MAGI1: variants seen among roughly 807,000 people sequenced by gnomAD.
MAGI1 encodes membrane-associated guanylate kinase, WW and PDZ domain-containing protein 1.
Under a neutral mutation model 139.9 loss-of-function variants are expected in MAGI1, and 58 were observed. The ratio of observed to expected loss-of-function variants is 0.41; its 90% CI spans 0.34 to 0.52. MAGI1 has a LOEUF of 0.52. MAGI1 is among the 20% of genes least tolerant of loss of function. MAGI1 has a pLI of 0.12. For synonymous variants in MAGI1, 812 were observed against 737.9 expected, an observed-to-expected ratio of 1.10 and a Z score of -1.63; for missense variants, 1,874 against 1,901.6, an observed-to-expected ratio of 0.99 and a Z score of 0.27.
At chr3:65,632,064 A>C (rs2107162702) in intron 1 of MAGI1, among the ~76,000 whole-genome samples, 1 of 152,298 alleles carries the variant, frequency 6.6e-6, no homozygotes, top group African/African-American at 2.4e-5. Context: ...TTTCTTTAAA[A>C]CAACTATTAT....
At position 65,621,960 on chromosome 3, in the gene MAGI1, C is replaced by T; in HGVS notation, c.430+12G>A. 6.3e-7 allele frequency: 1 copy of T among 1,578,804 alleles called. No homozygotes were observed. Among genetic ancestry groups the T allele is most frequent in the Non-Finnish European group, 8.7e-7 (1 of 1,152,396 alleles). ...ACACACAGCAGTGAGATGCCAAAGTCCAACTACTTACAAGGCACAGCATGG... is the reference window on the plus strand; with the variant it reads ...ACACACAGCAGTGAGATGCCAAAGTTCAACTACTTACAAGGCACAGCATGG... On this transcript the variant is annotated intron_variant, in intron 2 of 22. Transcript: ENST00000402939.
chr3:65,392,375 G>A (rs973666832), intron 13 of MAGI1, among the ~76,000 whole-genome samples: 5 of 152,092 alleles, frequency 3.3e-5, no homozygotes, highest in African/African-American at 1.2e-4. Flanking sequence ...AAAAAATCCT[G>A]CAGTCATGCC....
At chr3:65,430,162 G>C in intron 11 of MAGI1, 22 bp from the exon 12 acceptor site, 1 of 1,605,090 alleles carries the variant, frequency 6.2e-7, no homozygotes, top group Non-Finnish European at 8.5e-7. Flanking sequence ...AAGAGTGTGG[G>C]GGTTAAGAAA....
chr3:66,036,831 C>CT (rs2107617870), intron 1 of MAGI1, among the ~76,000 whole-genome samples: 1 of 152,320 alleles, frequency 6.6e-6, no homozygotes, highest in African/African-American at 2.4e-5. Flanking sequence ...CGTCATGGCA[C>CT]TTGCTTGCAC....
At position 65,963,392 on chromosome 3, in the gene MAGI1, T is replaced by A. The variant is rs1041761391; in HGVS notation, c.313+74604A>T. On this transcript the variant is annotated intron_variant, in intron 1 of 22. Transcript: ENST00000402939. Reference sequence around the variant, plus strand: ...CACCACTTTGGGAGGCCAAGGTGGGTGGATCACAAGGTCAAGAGATCCAGA... The same window carrying A: ...CACCACTTTGGGAGGCCAAGGTGGGAGGATCACAAGGTCAAGAGATCCAGA... Among the ~76,000 whole-genome samples, 3 of 147,506 alleles carry A rather than the reference T, an allele frequency of 2.0e-5. No homozygotes were observed. The East Asian group carries it at 6.0e-4, about 30-fold the overall frequency.
At chr3:65,856,036 C>T (rs1412745995) in intron 1 of MAGI1, among the ~76,000 whole-genome samples, 2 of 152,124 alleles carry the variant, frequency 1.3e-5, no homozygotes, top group African/African-American at 2.4e-5. Flanking sequence ...TTTAGATCTG[C>T]TTTGCCCTAT....
At chr3:65,935,298 G>A (rs921797092) in intron 1 of MAGI1, among the ~76,000 whole-genome samples, 1 of 152,160 alleles carries the variant, frequency 6.6e-6, no homozygotes, top group Non-Finnish European at 1.5e-5. Context: ...ACAAAAGGGG[G>A]CATGTGGAAT....
At chr3:65,862,316 T>C (rs2059583859) in intron 1 of MAGI1, among the ~76,000 whole-genome samples, 1 of 152,150 alleles carries the variant, frequency 6.6e-6, no homozygotes, top group Non-Finnish European at 1.5e-5. Context: ...TTGATGTGTA[T>C]TAAGTATTTA....
rs1255842245 is a variant in MAGI1 at position 65,846,997 on chromosome 3, C to A, written c.313+190999G>T. Among the ~76,000 whole-genome samples the A allele has an allele frequency of 3.6e-4, 27 of 74,190 alleles. 1 individual carries two copies. The highest frequency in any genetic ancestry group is 1.3e-3 in the African/African-American group (15 of 11,224). 48.7% of individuals were successfully genotyped at this position (74,190 alleles called of 152,430 possible). A position where few individuals can be genotyped will look rare whatever the true frequency, so the allele number is the denominator to read the frequency against. On this transcript the variant is annotated intron_variant, in intron 1 of 22. Coordinates refer to ENST00000402939, the MANE Select transcript of MAGI1 (RefSeq NM_001033057.2). ...CTTACAAAAAAAAAAAAAAAAAAAA[C>A]CCTAAGCACATTTGTTTATACCAAT...
chr3:65,843,359 T>G (rs1236685197), intron 1 of MAGI1, among the ~76,000 whole-genome samples: 1 of 152,284 alleles, frequency 6.6e-6, no homozygotes, highest in Middle Eastern at 3.4e-3. Context: ...CAGATGAGAC[T>G]GCAGCCCAAC....
chr3:65,751,360 G>A (rs1277930498), intron 1 of MAGI1, among the ~76,000 whole-genome samples: 7 of 152,184 alleles, frequency 4.6e-5, no homozygotes, highest in Non-Finnish European at 5.9e-5. Context: ...CAGCCAGGCT[G>A]GAGCATTCCC....
chr3:65,988,387 C>T (rs548440250), intron 1 of MAGI1, among the ~76,000 whole-genome samples: 1 of 152,288 alleles, frequency 6.6e-6, no homozygotes, highest in African/African-American at 2.4e-5. Context: ...CCCCTAAGTA[C>T]AGTGGCAGAT....
At chr3:65,433,173 G>A (rs1425984726) in intron 10 of MAGI1, among the ~76,000 whole-genome samples, 1 of 152,132 alleles carries the variant, frequency 6.6e-6, no homozygotes, top group Non-Finnish European at 1.5e-5. Flanking sequence ...TTTCTGTTGA[G>A]TGAGAGAATG....
chr3:65,841,215 T>A (rs2058791067), intron 1 of MAGI1, among the ~76,000 whole-genome samples: 1 of 152,040 alleles, frequency 6.6e-6, no homozygotes. Flanking sequence ...TTTATTGAAC[T>A]TTTCAAAGAA....
At chr3:65,708,354 A>G (rs2107638892) in intron 1 of MAGI1, among the ~76,000 whole-genome samples, 1 of 149,898 alleles carries the variant, frequency 6.7e-6, no homozygotes. Context: ...ACCAGTGAGA[A>G]GCTCTTCTGT....
At chr3:65,413,242 A>G (rs1945931471) in intron 12 of MAGI1, among the ~76,000 whole-genome samples, 1 of 152,168 alleles carries the variant, frequency 6.6e-6, no homozygotes, top group Non-Finnish European at 1.5e-5. Flanking sequence ...TTGTTTGGCA[A>G]TTTCAATTAG....
chr3:65,761,537 C>T (rs994972929), intron 1 of MAGI1, among the ~76,000 whole-genome samples: 3 of 152,122 alleles, frequency 2.0e-5, no homozygotes, highest in African/African-American at 4.8e-5. Context: ...CCTCTCCAAA[C>T]GCTTTTATGT....
chr3:65,945,029 A>G (rs904744175), intron 1 of MAGI1, among the ~76,000 whole-genome samples: 13 of 152,202 alleles, frequency 8.5e-5, no homozygotes, highest in African/African-American at 3.1e-4. Flanking sequence ...TACAACATAT[A>G]TGAAAAGCAA....
chr3:65,430,921 G>T, intron 10 of MAGI1, 40 bp from the exon 11 acceptor site: 1 of 1,573,716 alleles, frequency 6.4e-7, no homozygotes, highest in South Asian at 1.1e-5. Context: ...TGTCACCACT[G>T]GTGAAAAGGA....
Sources: gnomAD v4.1 joint callset for allele counts (sites outside exome capture counted in the v4.1 genomes callset) on GRCh38, gnomAD v4.1.1 for gene constraint, MANE v1.5 for transcripts, NCBI Gene and HGNC (gene_info 2026-07-23, HGNC 2026-07-21) for gene names.